The following CNTN5 variants were observed in gnomAD, a reference collection of about 807,000 sequenced individuals.
CNTN5 encodes the protein contactin 5.
A neutral mutation model predicts 129.1 loss-of-function variants in CNTN5; 77 were observed. That is an observed-to-expected ratio of 0.60 (90% CI 0.50 to 0.72). CNTN5 has a LOEUF of 0.72. Among genes scored for constraint, CNTN5 ranks in the 30% least tolerant of loss-of-function variants. CNTN5 has a pLI of 0.00. For missense variants in CNTN5, 1,478 were observed against 1,328.8 expected (o/e 1.11, Z -1.75); for synonymous variants, 509 against 465.6 (o/e 1.09, Z -1.20).
Position 99,556,242 on chromosome 11 carries a change from T to C in CNTN5, c.28T>C (p.Phe10Leu). ...GGCTTCCTCTTGGAAACTAATGCTG[T>C]TTCTGTCAGTCACCATGTGTCTTTC... MASSWKLMLFLSVTMCLSEY... is the reference protein window; with the variant it reads MASSWKLMLLLSVTMCLSEY... Residue 10 changes from phenylalanine (F) to leucine (L), a missense_variant, in exon 3 of 25, where the codon TTT becomes CTT. Transcript: ENST00000524871. 6 of 1,531,416 alleles carry C rather than the reference T, an allele frequency of 3.9e-6. No individual in the cohort carries two copies. Among genetic ancestry groups the C allele is most frequent in the Non-Finnish European group, 4.4e-6 (5 of 1,133,542 alleles). 94.9% of individuals were successfully genotyped at this position (1,531,416 alleles called of 1,614,324 possible).
chr11:99,650,550 A>G (rs1347748409), intron 3 of CNTN5, among the ~76,000 whole-genome samples: 1 of 151,846 alleles, frequency 6.6e-6, no homozygotes, highest in Non-Finnish European at 1.5e-5. Context: ...AACTACTTTC[A>G]TTTTTGTTCT....
chr11:100,014,703 G>A (rs981905876), intron 9 of CNTN5, among the ~76,000 whole-genome samples: 2 of 152,004 alleles, frequency 1.3e-5, no homozygotes. Flanking sequence ...TATCTGTTTG[G>A]TTGTCTATTG....
In CNTN5 at chr11:99,338,922, A is replaced by ATG. The variant is rs1262686741; in HGVS notation, c.-71+13439_-71+13440insGT. Among the ~76,000 whole-genome samples the ATG allele has an allele frequency of 1.8e-4, 3 of 16,738 alleles. No individual in the cohort carries two copies. In the East Asian group the frequency reaches 5.2e-3, roughly 29 times the overall value. 11.0% of individuals were successfully genotyped at this position (16,738 alleles called of 152,430 possible). A position where few individuals can be genotyped will look rare whatever the true frequency, so the allele number is the denominator to read the frequency against. ...TTATGTATTTTGTTCATTCACAGAT[A>ATG]TATATATATATATATATATATATAT... is the stretch of plus-strand genomic sequence containing the variant. On this transcript the variant is annotated intron_variant, in intron 2 of 24. Coordinates refer to ENST00000524871, the MANE Select transcript of CNTN5 (RefSeq NM_014361.4).
intron 3 of CNTN5, among the ~76,000 whole-genome samples, chr11:99,584,103 T>C (rs112637126): frequency 2.0e-5 from 3 of 152,356 alleles, no homozygotes; most frequent in African/African-American, 7.2e-5. Context: ...GTGATTTCTC[T>C]ACCAAATGTT....
intron 3 of CNTN5, among the ~76,000 whole-genome samples, chr11:99,712,178 G>T (rs773714789): frequency 6.6e-6 from 1 of 152,094 alleles, no homozygotes; most frequent in Non-Finnish European, 1.5e-5. Flanking sequence ...ATTCTAACTG[G>T]TGTAAGATGG....
At chr11:100,085,555 T>C (rs1238131866) in intron 13 of CNTN5, among the ~76,000 whole-genome samples, 2 of 152,038 alleles carry the variant, frequency 1.3e-5, no homozygotes, top group African/African-American at 4.8e-5. Context: ...GGCACCTGTC[T>C]GGTGGAAAAT....
At chr11:99,676,050 C>A (rs1224959099) in intron 3 of CNTN5, among the ~76,000 whole-genome samples, 3 of 152,054 alleles carry the variant, frequency 2.0e-5, no homozygotes, top group African/African-American at 7.2e-5. Flanking sequence ...TGCCTTCCAG[C>A]GATGTTGTAA....
At chr11:99,300,041 A>G (rs572625489) in intron 1 of CNTN5, among the ~76,000 whole-genome samples, 168 of 152,232 alleles carry the variant, frequency 1.1e-3, no homozygotes, top group African/African-American at 3.5e-3. Context: ...TTTTCTCTGC[A>G]TCCTTGCCAA....
intron 2 of CNTN5, among the ~76,000 whole-genome samples, chr11:99,525,148 CT>C (rs36100461): frequency 2.7e-5 from 4 of 150,826 alleles, no homozygotes; most frequent in South Asian, 2.1e-4. Flanking sequence ...TAAAGGGAGG[CT>C]TTTTTTTTAC....
chr11:100,199,727 T>C (rs1411485856), intron 15 of CNTN5, among the ~76,000 whole-genome samples: 5 of 151,986 alleles, frequency 3.3e-5, no homozygotes, highest in Non-Finnish European at 5.9e-5. Context: ...GTATTATATA[T>C]GTTTGTTTCA....
At chr11:100,002,281 A>G (rs866324486) in intron 9 of CNTN5, 145 bp downstream of exon 9, 18 of 527,402 alleles carry the variant, frequency 3.4e-5, no homozygotes, top group East Asian at 3.4e-4. Context: ...TCAAATGGCA[A>G]TTGATGAAGT....
chr11:99,584,080 G>T (rs555046800), intron 3 of CNTN5, among the ~76,000 whole-genome samples: 2 of 152,138 alleles, frequency 1.3e-5, no homozygotes, highest in Non-Finnish European at 1.5e-5. Context: ...GGATCAAAGG[G>T]ATTAAGGAGG....
intron 2 of CNTN5, among the ~76,000 whole-genome samples, chr11:99,472,811 T>C (rs2254792): frequency 1 from 151,978 of 152,218 alleles, 75,869 homozygotes; most frequent in Middle Eastern, 1. Flanking sequence ...ACACCACATG[T>C]GCACACATTA....
chr11:99,958,132 C>T (rs1285243434), intron 8 of CNTN5, among the ~76,000 whole-genome samples: 1 of 152,048 alleles, frequency 6.6e-6, no homozygotes, highest in East Asian at 1.9e-4. Context: ...TAGGTAACGG[C>T]ATGGAGAAAC....
At chr11:100,337,711 G>A (rs540773818) in intron 21 of CNTN5, 1 of 503,338 alleles carries the variant, frequency 2.0e-6, no homozygotes, top group South Asian at 1.7e-5. Flanking sequence ...TGTTTAGCCA[G>A]GTGGCTTCTA....
rs138885446 is a variant in CNTN5 at position 99,946,385 on chromosome 11, A to C, written c.674-10421A>C. Among the ~76,000 whole-genome samples the C allele has an allele frequency of 2.0e-3, 298 of 152,308 alleles. 2 individuals are homozygous for C. The highest frequency in any genetic ancestry group is 7.0e-3 in the African/African-American group (292 of 41,582). On this transcript the variant is annotated intron_variant, in intron 7 of 24. Transcript: ENST00000524871. ...AGAGGCTTAGTGGGAAAAATATATT[A>C]CAGAGCCCACACTTGTGGAGAATAC...
At chr11:100,272,214 A>G (rs1162052546) in intron 18 of CNTN5, among the ~76,000 whole-genome samples, 1 of 152,278 alleles carries the variant, frequency 6.6e-6, no homozygotes, top group East Asian at 1.9e-4. Flanking sequence ...CTATACTGAA[A>G]CCTAGAACAG....
intron 3 of CNTN5, among the ~76,000 whole-genome samples, chr11:99,700,513 C>G (rs1954472372): frequency 6.6e-6 from 1 of 151,276 alleles, no homozygotes; most frequent in Non-Finnish European, 1.5e-5. Flanking sequence ...CCATTTTTAT[C>G]TCACCTAGCT....
chr11:99,097,356 A>G (rs1370378291), intron 1 of CNTN5, among the ~76,000 whole-genome samples: 2 of 151,920 alleles, frequency 1.3e-5, no homozygotes, highest in African/African-American at 4.8e-5. Flanking sequence ...CAAAGCAAAA[A>G]TATGATGTAT....
Sources: gnomAD v4.1 joint callset for allele counts (sites outside exome capture counted in the v4.1 genomes callset) on GRCh38, gnomAD v4.1.1 for gene constraint, MANE v1.5 for transcripts, NCBI Gene and HGNC (gene_info 2026-07-23, HGNC 2026-07-21) for gene names.